TEX14: variants seen among roughly 807,000 people sequenced by gnomAD.
TEX14 encodes the protein testis expressed 14, intercellular bridge forming factor, also known as inactive serine/threonine-protein kinase TEX14.
Under a neutral mutation model 178.6 loss-of-function variants are expected in TEX14, and 168 were observed. The observed-to-expected ratio is 0.94, with a 90% CI of 0.83 to 1.07. The LOEUF is 1.07. Ranked by LOEUF, TEX14 falls within the 50% of genes least tolerant of loss-of-function variation. The pLI, the probability that TEX14 is intolerant of heterozygous loss-of-function variation, is 0.00. For missense variants in TEX14, 1,730 were observed against 1,753.6 expected (o/e 0.99, Z 0.24); for synonymous variants, 626 against 634.1 (o/e 0.99, Z 0.19).
chr17:58,601,883 A>T lies in TEX14; in HGVS notation c.1601T>A (p.Val534Asp), dbSNP rs577884990. The T allele has an allele frequency of 1.7e-5, 28 of 1,613,412 alleles. No individual in the cohort carries two copies. In the African/African-American group the frequency reaches 2.5e-4, roughly 15 times the overall value. Residue 534 changes from valine (V) to aspartate (D), a missense_variant, in exon 13 of 32, where the codon GTC (valine) becomes GAC (aspartate). Transcript: ENST00000349033. Reference protein sequence around the residue: ...RVQRYGLHPDVNVYLGLTSEH... With the variant: ...RVQRYGLHPDDNVYLGLTSEH... ...TGAAGTCAGTCCTAGATAGACATTG[A>T]CATCGGGATGGAGTCCGTATCTCTG...
Position 58,621,781 on chromosome 17 carries a change from C to T in TEX14, c.423G>A (p.Val141=). 6.2e-7 allele frequency: 1 copy of T among 1,613,068 alleles called. No individual in the cohort carries two copies. Among genetic ancestry groups the T allele is most frequent in the Non-Finnish European group, 8.5e-7 (1 of 1,179,436 alleles). The part of the protein sequence containing the change: ...TAGKERSTQI[V]EFMQRCASHM... ...GTGAGGCACAGCGCTGCATGAACTC[C>T]ACTATCTGCAAAACATCGCAGAGAT... Residue 141 remains valine (V), a synonymous_variant, in exon 5 of 32, where the codon GTG becomes GTA. Coordinates refer to ENST00000349033, the MANE Select transcript of TEX14 (RefSeq NM_031272.5).
chr17:58,587,563 C>G lies in TEX14; in HGVS notation c.2788+18G>C. 7.0e-7 allele frequency: 1 copy of G among 1,431,362 alleles called. No individual in the cohort carries two copies. Among genetic ancestry groups the G allele is most frequent in the Non-Finnish European group, 9.7e-7 (1 of 1,026,254 alleles). The allele number at this position is 1,431,362 out of a possible 1,614,324, so 88.7% of individuals were successfully genotyped here. ...TAAATTTCATTTTGTCTAATAAAAC[C>G]CATGACTTTATACTCACTTTTCCAT... On this transcript the variant is annotated intron_variant, in intron 17 of 31. Coordinates refer to ENST00000349033, the MANE Select transcript of TEX14 (RefSeq NM_031272.5).
chr17:58,611,861 C>T (rs994164606), intron 9 of TEX14, among the ~76,000 whole-genome samples: 16 of 152,136 alleles, frequency 1.1e-4, no homozygotes, highest in African/African-American at 2.7e-4. Context: ...GGGTCTCTCC[C>T]CCAGAGAAAT....
chr17:58,597,451 G>T (rs2045316275), intron 14 of TEX14, among the ~76,000 whole-genome samples: 1 of 152,044 alleles, frequency 6.6e-6, no homozygotes, highest in African/African-American at 2.4e-5. Context: ...CTTAAGCGGA[G>T]AATTCTAAAA....
At chr17:58,612,527 G>A (rs989108912) in intron 9 of TEX14, among the ~76,000 whole-genome samples, 1 of 151,988 alleles carries the variant, frequency 6.6e-6, no homozygotes, top group African/African-American at 2.4e-5. Flanking sequence ...CTGAGGTCAG[G>A]AGTTCGAGAT....
chr17:58,577,709 A>C (rs1284172372), intron 20 of TEX14, among the ~76,000 whole-genome samples: 1 of 152,224 alleles, frequency 6.6e-6, no homozygotes, highest in African/African-American at 2.4e-5. Context: ...CAAGCTATTT[A>C]CTGGCCTTTC....
chr17:58,679,300 C>T (rs566592386), intron 1 of TEX14, among the ~76,000 whole-genome samples: 10 of 152,196 alleles, frequency 6.6e-5, no homozygotes, highest in African/African-American at 2.2e-4. Context: ...CCCTTAGAGC[C>T]GCCAAAGGTA....
chr17:58,626,757 G>C (rs997503649), intron 3 of TEX14, among the ~76,000 whole-genome samples: 2 of 151,906 alleles, frequency 1.3e-5, no homozygotes, highest in Admixed American at 6.6e-5. Flanking sequence ...TGTAGTCCCA[G>C]GTACTCGGGA....
At chr17:58,603,433 A>C (rs529979284) in intron 11 of TEX14, among the ~76,000 whole-genome samples, 1 of 151,680 alleles carries the variant, frequency 6.6e-6, no homozygotes, top group South Asian at 2.1e-4. Flanking sequence ...GAGCACATGT[A>C]ATCTCAGCTA....
chr17:58,598,907 T>C lies in TEX14; in HGVS notation c.2438A>G (p.Asn813Ser), dbSNP rs1243066655. Residue 813 changes from asparagine to serine, a missense_variant, in exon 14 of 32, where the codon AAC (asparagine) becomes AGC (serine). Asn to Ser is a conservative substitution (Grantham distance 46). Around this residue, in one of 2 missense-constraint regions of TEX14, gnomAD observed 941 missense variants for 1,072.4 expected, o/e 0.88. Coordinates refer to ENST00000349033, the MANE Select transcript of TEX14 (RefSeq NM_031272.5). ...SGGQKPDTSG[N>S]YPTLPRFPRM... Reference sequence around the variant, plus strand: ...TGGAAATCTTGGTAGGGTTGGGTAGTTGCCACTGGTGTCTGGCTTCTGACC... The same window carrying C: ...TGGAAATCTTGGTAGGGTTGGGTAGCTGCCACTGGTGTCTGGCTTCTGACC... 6.2e-7 allele frequency: 1 copy of C among 1,612,546 alleles called. No homozygotes were observed. The highest frequency in any genetic ancestry group is 8.5e-7 in the Non-Finnish European group (1 of 1,179,310).
chr17:58,673,005 T>C (rs2047328200), intron 1 of TEX14, among the ~76,000 whole-genome samples: 1 of 152,104 alleles, frequency 6.6e-6, no homozygotes, highest in Admixed American at 6.6e-5. Context: ...GTGCTGGGAT[T>C]ACAGGCATGA....
intron 1 of TEX14, among the ~76,000 whole-genome samples, chr17:58,657,198 G>A (rs2046987632): frequency 6.6e-6 from 1 of 151,930 alleles, no homozygotes; most frequent in Non-Finnish European, 1.5e-5. Context: ...TCGAACTCCT[G>A]GGCTCAAGTG....
intron 23 of TEX14, among the ~76,000 whole-genome samples, chr17:58,572,670 G>A (rs928565284): frequency 6.0e-5 from 9 of 150,324 alleles, no homozygotes; most frequent in Non-Finnish European, 1.3e-4. Flanking sequence ...AACAATCATT[G>A]ATCTGAGACA....
chr17:58,662,638 G>A (rs1316924124), intron 1 of TEX14, among the ~76,000 whole-genome samples: 1 of 152,088 alleles, frequency 6.6e-6, no homozygotes, highest in African/African-American at 2.4e-5. Context: ...CAGGTGTGCT[G>A]TCCTAAGACA....
intron 1 of TEX14, among the ~76,000 whole-genome samples, chr17:58,676,801 C>T (rs781250405): frequency 6.6e-6 from 1 of 152,054 alleles, no homozygotes; most frequent in Non-Finnish European, 1.5e-5. Context: ...GCCTGGGCAA[C>T]ATAGCGAGAC....
In TEX14 at chr17:58,602,411, T is replaced by C. The variant is rs1164853967; in HGVS notation, c.1516A>G (p.Asn506Asp). 5.0e-6 allele frequency: 8 copies of C among 1,609,790 alleles called. No homozygotes were observed. The highest frequency in any genetic ancestry group is 6.8e-6 in the Non-Finnish European group (8 of 1,177,486). ...ACTTCAGGGCTTGCCTTTAAGTCAT[T>C]CTTCAGAATATACCGGATATCTTGA... ...NLQDIRYILK[N>D]DLKDFTGAQR... Residue 506 changes from asparagine (N) to aspartate (D), a missense_variant, in exon 12 of 32, where the codon AAT becomes GAT. Physicochemically the swap from Asn to Asp is conservative, Grantham distance 23. Around this residue, in one of 2 missense-constraint regions of TEX14, gnomAD observed 789 missense variants for 681.2 expected, o/e 1.16. Transcript: ENST00000349033.
chr17:58,615,031 C>G (rs2144526035), intron 8 of TEX14, among the ~76,000 whole-genome samples: 1 of 152,310 alleles, frequency 6.6e-6, no homozygotes, highest in Middle Eastern at 3.4e-3. Context: ...CACCACTGTC[C>G]CCACTGCTCA....
intron 2 of TEX14, among the ~76,000 whole-genome samples, chr17:58,644,238 T>C (rs1227938714): frequency 6.6e-6 from 1 of 152,178 alleles, no homozygotes; most frequent in African/African-American, 2.4e-5. Context: ...GTGAACACAC[T>C]GAAGAACTGG....
intron 10 of TEX14, 88 bp downstream of exon 10, chr17:58,611,073 T>C: frequency 1.1e-6 from 1 of 940,546 alleles, no homozygotes; most frequent in South Asian, 1.5e-5. Context: ...CAATGAGGAG[T>C]CCCACCCAGA....
Sources: allele counts gnomAD v4.1 joint callset (sites outside exome capture counted in the v4.1 genomes callset), GRCh38; gene constraint gnomAD v4.1.1; regional missense constraint gnomAD v4.1.1; transcripts MANE v1.5; gene names NCBI Gene and HGNC (gene_info 2026-07-23, HGNC 2026-07-21).